The following ITGBL1 variants were observed in gnomAD, a reference collection of about 807,000 sequenced individuals.
ITGBL1 encodes integrin beta-like protein 1.
ITGBL1 carries 51 observed loss-of-function variants against 68.5 expected under a neutral mutation model. The observed-to-expected ratio is 0.74, with a 90% CI of 0.59 to 0.94. The LOEUF is 0.94. Among genes scored for constraint, ITGBL1 ranks in the 40% least tolerant of loss-of-function variants. ITGBL1 has a pLI of 0.00. For missense variants in ITGBL1, 649 were observed against 647.4 expected (o/e 1.00, Z -0.03); for synonymous variants, 209 against 227.3 (o/e 0.92, Z 0.72).
At chr13:101,604,543 C>T (rs1286830756) in intron 7 of ITGBL1, among the ~76,000 whole-genome samples, 1 of 151,284 alleles carries the variant, frequency 6.6e-6, no homozygotes, top group South Asian at 2.1e-4. Context: ...AAAACGAAAA[C>T]CAAGAATTTA....
chr13:101,486,367 A>G (rs1229164465), intron 2 of ITGBL1, among the ~76,000 whole-genome samples: 1 of 152,170 alleles, frequency 6.6e-6, no homozygotes, highest in Non-Finnish European at 1.5e-5. Flanking sequence ...GGTGAGGGAT[A>G]AAAGACTACC....
chr13:101,683,359 C>T (rs1480610371), intron 7 of ITGBL1, among the ~76,000 whole-genome samples: 2 of 152,024 alleles, frequency 1.3e-5, no homozygotes, highest in Non-Finnish European at 2.9e-5. Context: ...TGAGTTCTCG[C>T]ACTCTACATT....
chr13:101,623,756 T>C (rs958432170), intron 7 of ITGBL1, among the ~76,000 whole-genome samples: 1 of 152,218 alleles, frequency 6.6e-6, no homozygotes, highest in Non-Finnish European at 1.5e-5. Flanking sequence ...AATTAACAAA[T>C]GACCTTTCTC....
At chr13:101,544,755 G>A (rs548334496) in intron 2 of ITGBL1, among the ~76,000 whole-genome samples, 2 of 152,262 alleles carry the variant, frequency 1.3e-5, no homozygotes, top group African/African-American at 4.8e-5. Flanking sequence ...CGGCAATGGC[G>A]GGCACCCCTC....
Position 101,497,129 on chromosome 13 carries a change from G to T in ITGBL1, c.316+43029G>T, listed in dbSNP as rs190300926. ...GGAGAGTTGTCCTTACAGGATGAGA[G>T]AAGCTAGAATTGTGGCCCTTTACTT... is the stretch of plus-strand genomic sequence containing the variant. On this transcript the variant is annotated intron_variant, in intron 2 of 10. Transcript: ENST00000376180. 4.7e-4 allele frequency among the ~76,000 whole-genome samples: 71 copies of T among 152,328 alleles called. No homozygotes were observed. In the East Asian group the frequency reaches 0.013, roughly 28 times the overall value.
At chr13:101,580,235 T>A (rs1343503867) in intron 5 of ITGBL1, among the ~76,000 whole-genome samples, 1 of 152,132 alleles carries the variant, frequency 6.6e-6, no homozygotes, top group Non-Finnish European at 1.5e-5. Flanking sequence ...TATACATGAA[T>A]AATGCATTGC....
chr13:101,685,806 A>G (rs2033741221), intron 7 of ITGBL1, among the ~76,000 whole-genome samples: 1 of 147,168 alleles, frequency 6.8e-6, no homozygotes. Flanking sequence ...CCATGGGGCA[A>G]TCCAAGATTT....
chr13:101,656,079 AG>A (rs1398574884), intron 7 of ITGBL1, among the ~76,000 whole-genome samples: 1 of 152,150 alleles, frequency 6.6e-6, no homozygotes, highest in Non-Finnish European at 1.5e-5. Context: ...TCCTCGCTAA[AG>A]GTAAATTTAA....
chr13:101,583,270 G>T lies in ITGBL1; in HGVS notation c.782G>T (p.Trp261Leu). The change falls in exon 6 of 11, where the codon TGG becomes TTG. Residue 261 changes from tryptophan to leucine, a missense_variant. Coordinates refer to ENST00000376180, the MANE Select transcript of ITGBL1 (RefSeq NM_004791.3). ...CACGATGTTGATCCGACTGGGGACT[G>T]GGGAGATATTCATGGGGACACCTGT... The part of the protein sequence containing the change: ...TCHDVDPTGD[W>L]GDIHGDTCEC... The T allele has an allele frequency of 1.9e-6, 3 of 1,613,564 alleles. No homozygotes were observed. Among genetic ancestry groups the T allele is most frequent in the East Asian group, 2.2e-5 (1 of 44,846 alleles).
At chr13:101,627,548 C>G (rs867222145) in intron 7 of ITGBL1, among the ~76,000 whole-genome samples, 2 of 152,096 alleles carry the variant, frequency 1.3e-5, no homozygotes, top group Admixed American at 1.3e-4. Context: ...TATAATGACA[C>G]GTACCCACCA....
At chr13:101,713,955 C>A (rs536143697) in intron 9 of ITGBL1, 43 of 155,158 alleles carry the variant, frequency 2.8e-4, no homozygotes, top group Non-Finnish European at 5.3e-4. Context: ...AGGTGTGCTC[C>A]TACTCCAAGA....
intron 7 of ITGBL1, among the ~76,000 whole-genome samples, chr13:101,673,257 G>A (rs2033420766): frequency 6.6e-6 from 1 of 152,236 alleles, no homozygotes; most frequent in South Asian, 2.1e-4. Flanking sequence ...GCTTCTGCAG[G>A]AAGCTGTAAA....
At chr13:101,630,023 C>T (rs1215105496) in intron 7 of ITGBL1, among the ~76,000 whole-genome samples, 1 of 152,090 alleles carries the variant, frequency 6.6e-6, no homozygotes, top group Non-Finnish European at 1.5e-5. Flanking sequence ...GGGGTTTCAT[C>T]ATGTTGGCCA....
chr13:101,597,250 A>G (rs868121883), intron 6 of ITGBL1, among the ~76,000 whole-genome samples: 7 of 152,082 alleles, frequency 4.6e-5, no homozygotes, highest in Non-Finnish European at 7.4e-5. Flanking sequence ...ACAGTCTTAA[A>G]AGAATATGTA....
intron 2 of ITGBL1, among the ~76,000 whole-genome samples, chr13:101,526,524 T>A (rs1244240768): frequency 6.6e-6 from 1 of 152,120 alleles, no homozygotes; most frequent in East Asian, 1.9e-4. Flanking sequence ...TGAGTTCATG[T>A]CCTTTTCAGG....
intron 7 of ITGBL1, among the ~76,000 whole-genome samples, chr13:101,626,147 A>G (rs976390259): frequency 5.9e-5 from 9 of 152,154 alleles, no homozygotes; most frequent in Non-Finnish European, 8.8e-5. Context: ...ATACAACTTC[A>G]GACCCAGTTA....
At chr13:101,525,188 A>C (rs1426024751) in intron 2 of ITGBL1, among the ~76,000 whole-genome samples, 1 of 152,124 alleles carries the variant, frequency 6.6e-6, no homozygotes, top group Non-Finnish European at 1.5e-5. Context: ...TTACCATTTA[A>C]AAATAAAATA....
At chr13:101,709,649 C>T (rs1475879263) in intron 9 of ITGBL1, among the ~76,000 whole-genome samples, 2 of 152,128 alleles carry the variant, frequency 1.3e-5, no homozygotes, top group African/African-American at 4.8e-5. Context: ...CACAGAAGCT[C>T]TACTGAAAAA....
Position 101,696,602 on chromosome 13 carries a change from C to A in ITGBL1, c.1132+3901C>A, listed in dbSNP as rs1048551049. Among the ~76,000 whole-genome samples, 9 of 152,176 alleles carry A rather than the reference C, an allele frequency of 5.9e-5. No homozygotes were observed. In the South Asian group the frequency reaches 6.2e-4, roughly 11 times the overall value. On this transcript the variant is annotated intron_variant, in intron 8 of 10. Coordinates refer to ENST00000376180, the MANE Select transcript of ITGBL1 (RefSeq NM_004791.3). ...ATTCTTCCATGATTTTTCCAAATTA[C>A]CTCCTATAGGAAGCCTCTCTGAAAT...
Sources: allele counts gnomAD v4.1 joint callset (sites outside exome capture counted in the v4.1 genomes callset), GRCh38; gene constraint gnomAD v4.1.1; transcripts MANE v1.5; gene names NCBI Gene and HGNC (gene_info 2026-07-23, HGNC 2026-07-21).